CBR4: variants seen among roughly 807,000 people sequenced by gnomAD.
CBR4 encodes the protein 3-oxoacyl-[acyl-carrier-protein] reductase.
CBR4 carries 22 observed loss-of-function variants against 21.0 expected under a neutral mutation model. That is an observed-to-expected ratio of 1.05 (90% CI 0.75 to 1.50). The LOEUF (loss-of-function observed/expected upper bound fraction) is 1.50, where lower values mean the gene tolerates loss of function less well. CBR4 is among the 40% of genes most tolerant of loss of function. The probability of loss-of-function intolerance (pLI) is 0.00; values close to 1 mark genes in which losing one functional copy is unlikely to be tolerated. For synonymous variants in CBR4, 100 were observed against 104.4 expected, an observed-to-expected ratio of 0.96 and a Z score of 0.26; for missense variants, 302 against 286.3, an observed-to-expected ratio of 1.05 and a Z score of -0.40.
intron 2 of CBR4, chr4:168,926,435 C>A: frequency 2.3e-6 from 3 of 1,293,030 alleles, no homozygotes; most frequent in East Asian, 5.0e-5. Flanking sequence ...TTGCCTTGAC[C>A]AACATATTCC....
chr4:168,999,756 T>C (rs1174378812), intron 4 of CBR4, among the ~76,000 whole-genome samples: 2 of 152,152 alleles, frequency 1.3e-5, no homozygotes, highest in African/African-American at 2.4e-5. Context: ...TCCCACTATT[T>C]AGTCTACTGC....
rs760292408 is a variant in CBR4 at position 169,010,110 on chromosome 4, G to A, written c.-21C>T. Reference sequence around the variant, plus strand: ...TCCATCTCGGAGTCACAAACTCGGAGGAAAGAGGGTAGGGAGTGGGAGCCC... The same window carrying A: ...TCCATCTCGGAGTCACAAACTCGGAAGAAAGAGGGTAGGGAGTGGGAGCCC... On this transcript the variant is annotated 5_prime_UTR_variant, in exon 1 of 5. Coordinates refer to ENST00000306193, the MANE Select transcript of CBR4 (RefSeq NM_032783.5). 2 of 1,595,756 alleles carry A rather than the reference G, an allele frequency of 1.3e-6. No individual in the cohort carries two copies. Among genetic ancestry groups the A allele is most frequent in the Non-Finnish European group, 1.7e-6 (2 of 1,170,602 alleles).
At chr4:168,905,799 T>C (rs1036518795) in intron 2 of CBR4, among the ~76,000 whole-genome samples, 2 of 147,666 alleles carry the variant, frequency 1.4e-5, no homozygotes, top group Admixed American at 6.7e-5. Context: ...TCTTTTTTTT[T>C]TTTTTTTTTT....
At chr4:168,897,280 C>T (rs1433443616) in intron 2 of CBR4, among the ~76,000 whole-genome samples, 1 of 152,190 alleles carries the variant, frequency 6.6e-6, no homozygotes, top group East Asian at 1.9e-4. Context: ...AGCAAAACAA[C>T]TTGTGGTATA....
chr4:168,923,614 A>G (rs1007650872), intron 2 of CBR4, among the ~76,000 whole-genome samples: 4 of 151,814 alleles, frequency 2.6e-5, no homozygotes, highest in African/African-American at 9.7e-5. Context: ...TCCTTCCTTC[A>G]AGGTTATAAT....
chr4:168,964,701 G>A (rs1659541729), intron 2 of CBR4, among the ~76,000 whole-genome samples: 1 of 152,242 alleles, frequency 6.6e-6, no homozygotes, highest in Admixed American at 6.5e-5. Flanking sequence ...GTATTTGAGA[G>A]TAGCCTTGAA....
intron 2 of CBR4, among the ~76,000 whole-genome samples, chr4:168,895,147 G>C (rs1754832609): frequency 2.0e-5 from 3 of 152,180 alleles, no homozygotes; most frequent in Non-Finnish European, 2.9e-5. Flanking sequence ...ACTTTGGGAG[G>C]CTGAGGTGGG....
At chr4:168,983,032 C>T (rs1764587081), downstream of CBR4, among the ~76,000 whole-genome samples, 3 of 152,052 alleles carry the variant, frequency 2.0e-5, 1 homozygote, top group South Asian at 6.2e-4. Context: ...AAGAACAAAC[C>T]AACTCCAAAG....
chr4:168,925,682 T>C (rs1762439683), intron 2 of CBR4, among the ~76,000 whole-genome samples: 1 of 151,886 alleles, frequency 6.6e-6, no homozygotes, highest in Non-Finnish European at 1.5e-5. Flanking sequence ...TCCATTGACA[T>C]AAAAAAAACA....
At chr4:168,957,028 T>C (rs1205604802) in intron 2 of CBR4, among the ~76,000 whole-genome samples, 1 of 152,116 alleles carries the variant, frequency 6.6e-6, no homozygotes, top group African/African-American at 2.4e-5. Context: ...GCAAAAGCAG[T>C]AGGTATTAAT....
chr4:169,002,156 G>C lies in CBR4; in HGVS notation c.450C>G (p.Ala150=), dbSNP rs762713175. 2.5e-6 allele frequency: 4 copies of C among 1,579,702 alleles called. No individual in the cohort carries two copies. In the South Asian group the frequency reaches 4.6e-5, roughly 18 times the overall value. The change falls in exon 4 of 5, where the codon GCC becomes GCG. Residue 150 remains alanine, a synonymous_variant. Coordinates refer to ENST00000306193, the MANE Select transcript of CBR4 (RefSeq NM_032783.5). The stretch of plus-strand genomic sequence containing the variant: ...AAAATCCAACTAATCCTCCTTTACT[G>C]GCACTGTAAACGGACTGGCCAGAGT... The part of the protein sequence containing the change: ...KGNSGQSVYS[A]SKGGLVGFSR...
intron 2 of CBR4, among the ~76,000 whole-genome samples, chr4:168,942,360 T>G (rs1404054867): frequency 1.3e-5 from 2 of 151,780 alleles, no homozygotes; most frequent in Non-Finnish European, 2.9e-5. Flanking sequence ...TGTAATAAAC[T>G]TGCACGTTCT....
At chr4:168,928,017 C>G (rs1762773139) in intron 2 of CBR4, 1 of 195,108 alleles carries the variant, frequency 5.1e-6, no homozygotes. Context: ...TTTCATATTA[C>G]TGTTTCACAT....
intron 2 of CBR4, among the ~76,000 whole-genome samples, chr4:168,925,653 T>A (rs888548185): frequency 2.1e-4 from 32 of 152,200 alleles, no homozygotes; most frequent in Non-Finnish European, 5.9e-5. Context: ...TACAGTCTAG[T>A]ACAATCAGCA....
At chr4:168,968,107 C>A (rs1402122709) in intron 2 of CBR4, among the ~76,000 whole-genome samples, 1 of 152,036 alleles carries the variant, frequency 6.6e-6, no homozygotes, top group African/African-American at 2.4e-5. Flanking sequence ...CAAGTAATTT[C>A]TTAGAGAAAA....
intron 4 of CBR4, among the ~76,000 whole-genome samples, chr4:168,993,288 G>GCAACCTCC (rs1035748604): frequency 1.3e-5 from 2 of 148,796 alleles, no homozygotes; most frequent in Non-Finnish European, 3.0e-5. Flanking sequence ...TAGGCTCACC[G>GCAACCTCC]CAACCTCCGC....
chr4:168,952,958 T>C (rs1763584076), intron 2 of CBR4, among the ~76,000 whole-genome samples: 1 of 152,172 alleles, frequency 6.6e-6, no homozygotes, highest in South Asian at 2.1e-4. Context: ...GAACTGGCAG[T>C]GGGCAGGGCC....
At chr4:168,930,361 G>A (rs563657865) in intron 2 of CBR4, among the ~76,000 whole-genome samples, 4 of 152,164 alleles carry the variant, frequency 2.6e-5, no homozygotes, top group African/African-American at 9.6e-5. Flanking sequence ...AAAAATTTGA[G>A]GAAAGCCTAA....
At chr4:168,972,707 C>T (rs1030732512) in intron 2 of CBR4, among the ~76,000 whole-genome samples, 2 of 152,066 alleles carry the variant, frequency 1.3e-5, no homozygotes, top group Non-Finnish European at 2.9e-5. Flanking sequence ...TCTAGGTATA[C>T]GATCATATCA....
Sources: gnomAD v4.1 joint callset for allele counts (sites outside exome capture counted in the v4.1 genomes callset) on GRCh38, gnomAD v4.1.1 for gene constraint, MANE v1.5 for transcripts, NCBI Gene and HGNC (gene_info 2026-07-23, HGNC 2026-07-21) for gene names.